SGCG: variants seen among roughly 807,000 people sequenced by gnomAD.
The protein encoded by SGCG is gamma-sarcoglycan.
In SGCG, 26 loss-of-function variants were observed where a neutral mutation model predicts 29.3. That is an observed-to-expected ratio of 0.89 (90% CI 0.65 to 1.23). The LOEUF (loss-of-function observed/expected upper bound fraction) is 1.23. SGCG is among the 50% of genes most tolerant of loss of function. The pLI is 0.00. For synonymous variants in SGCG, 145 were observed against 129.7 expected, an observed-to-expected ratio of 1.12 and a Z score of -0.80; for missense variants, 353 against 356.0, an observed-to-expected ratio of 0.99 and a Z score of 0.07.
chr13:23,161,918 A>C, the SGCG span, among the ~76,000 whole-genome samples: 1 of 152,248 alleles, frequency 6.6e-6, no homozygotes, highest in South Asian at 2.1e-4. Context: ...TACACTTAAC[A>C]CCGTGGCCTC....
At chr13:23,286,538 G>T (rs757860123) in intron 5 of SGCG, among the ~76,000 whole-genome samples, 1 of 152,156 alleles carries the variant, frequency 6.6e-6, no homozygotes, top group Admixed American at 6.5e-5. Flanking sequence ...CAGGGGATAC[G>T]TTCAAAGAGC....
intron 2 of SGCG, among the ~76,000 whole-genome samples, chr13:23,220,050 C>T (rs1593180194): frequency 6.6e-6 from 1 of 151,840 alleles, no homozygotes; most frequent in African/African-American, 2.4e-5. Flanking sequence ...ACCATGTTAG[C>T]CAGGATGGTC....
intron 2 of SGCG, among the ~76,000 whole-genome samples, chr13:23,204,617 T>TCTTTCTTTC (rs1242207766): frequency 4.8e-5 from 1 of 20,960 alleles, no homozygotes; most frequent in Non-Finnish European, 1.0e-4. Context: ...TTCTTTCTTT[T>TCTTTCTTTC]CTTTCTTTCC....
chr13:23,172,429 A>C, the SGCG span, among the ~76,000 whole-genome samples: 1 of 152,102 alleles, frequency 6.6e-6, no homozygotes, highest in Non-Finnish European at 1.5e-5. Context: ...ACATACAAAT[A>C]TTAGAAAATT....
intron 4 of SGCG, among the ~76,000 whole-genome samples, chr13:23,277,977 C>T (rs1019073021): frequency 1.3e-5 from 2 of 151,892 alleles, no homozygotes; most frequent in East Asian, 3.9e-4. Flanking sequence ...GGATTACAGG[C>T]GTGAGCCACC....
chr13:23,169,548 G>A, the SGCG span, among the ~76,000 whole-genome samples: 646 of 152,074 alleles, frequency 4.2e-3, 5 homozygotes, highest in African/African-American at 0.015. Context: ...GCATAGTGGT[G>A]CATGCCTGTA....
At chr13:23,200,188 C>T (rs1346073933) in intron 1 of SGCG, among the ~76,000 whole-genome samples, 2 of 152,064 alleles carry the variant, frequency 1.3e-5, no homozygotes, top group African/African-American at 2.4e-5. Flanking sequence ...TTTGGGAGGC[C>T]GAAGCGAGTG....
the SGCG span, among the ~76,000 whole-genome samples, chr13:23,165,445 G>A: frequency 6.6e-6 from 1 of 152,130 alleles, no homozygotes. Flanking sequence ...CAAAACCATG[G>A]GGAGGAGATG....
At chr13:23,167,426 G>A in the SGCG span, among the ~76,000 whole-genome samples, 15 of 152,242 alleles carry the variant, frequency 9.9e-5, no homozygotes, top group Non-Finnish European at 1.5e-4. Flanking sequence ...TATACCCAGC[G>A]GTGGGATTGC....
At chr13:23,289,852 C>G (rs2137634725) in intron 5 of SGCG, among the ~76,000 whole-genome samples, 1 of 152,286 alleles carries the variant, frequency 6.6e-6, no homozygotes, top group African/African-American at 2.4e-5. Flanking sequence ...GAACAGGGTA[C>G]TCCTTGATTC....
the SGCG span, among the ~76,000 whole-genome samples, chr13:23,164,517 A>G: frequency 2.6e-5 from 4 of 152,326 alleles, no homozygotes; most frequent in African/African-American, 7.2e-5. Context: ...AGGCCAGGTC[A>G]TTTATAAAGA....
At chr13:23,171,957 C>G in the SGCG span, among the ~76,000 whole-genome samples, 1 of 152,176 alleles carries the variant, frequency 6.6e-6, no homozygotes, top group Non-Finnish European at 1.5e-5. Context: ...GGATGCTATT[C>G]AAAATCAGGG....
At chr13:23,186,036 C>T (rs1876958188) in intron 1 of SGCG, among the ~76,000 whole-genome samples, 1 of 152,192 alleles carries the variant, frequency 6.6e-6, no homozygotes, top group Non-Finnish European at 1.5e-5. Context: ...AGAGCCTCCC[C>T]TTATGCAGAT....
intron 1 of SGCG, among the ~76,000 whole-genome samples, chr13:23,201,063 G>T (rs534180462): frequency 6.6e-6 from 1 of 152,144 alleles, no homozygotes; most frequent in Non-Finnish European, 1.5e-5. Context: ...CTCCAGCCTC[G>T]ATGTTAGAAA....
At chr13:23,244,763 G>T (rs553941469) in intron 3 of SGCG, 1 of 152,150 alleles carries the variant, frequency 6.6e-6, no homozygotes, top group Non-Finnish European at 1.5e-5. Flanking sequence ...CTTCTCCAAG[G>T]CGCTTTGAAA....
intron 5 of SGCG, among the ~76,000 whole-genome samples, chr13:23,280,265 A>G (rs948253757): frequency 6.6e-6 from 1 of 152,232 alleles, no homozygotes; most frequent in African/African-American, 2.4e-5. Flanking sequence ...GTTTCAGAAC[A>G]TATTCTAAAT....
the SGCG span, among the ~76,000 whole-genome samples, chr13:23,162,798 C>G: frequency 6.6e-6 from 1 of 151,962 alleles, no homozygotes; most frequent in African/African-American, 2.4e-5. Flanking sequence ...CCAATGCACT[C>G]CAGCCTGGGC....
intron 6 of SGCG, among the ~76,000 whole-genome samples, chr13:23,297,223 A>G (rs1337275821): frequency 2.4e-5 from 3 of 125,916 alleles, no homozygotes; most frequent in Non-Finnish European, 5.2e-5. Flanking sequence ...AACACAGACA[A>G]TCTTTTATTT....
intron 4 of SGCG, among the ~76,000 whole-genome samples, chr13:23,259,443 A>G (rs952309707): frequency 2.0e-5 from 3 of 150,580 alleles, no homozygotes; most frequent in South Asian, 2.1e-4. Context: ...TTTCTTCTTT[A>G]TTAGTGTTCC....
Sources: allele counts gnomAD v4.1 joint callset (sites outside exome capture counted in the v4.1 genomes callset), GRCh38; gene constraint gnomAD v4.1.1; transcripts MANE v1.5; gene names NCBI Gene and HGNC (gene_info 2026-07-23, HGNC 2026-07-21).